Variants in PRRC2B observed in about 807,000 individuals in gnomAD.
PRRC2B encodes proline rich coiled-coil 2B, also known as protein PRRC2B.
PRRC2B carries 68 observed loss-of-function variants against 242.3 expected under a neutral mutation model. That is an observed-to-expected ratio of 0.28 (90% CI 0.23 to 0.34). The LOEUF (loss-of-function observed/expected upper bound fraction) is 0.34. Among genes scored for constraint, PRRC2B ranks in the 10% least tolerant of loss-of-function variants. The pLI, the probability that PRRC2B is intolerant of heterozygous loss-of-function variation, is 1.00. For missense variants in PRRC2B, 2,835 were observed against 2,954.8 expected (o/e 0.96, Z 0.94); for synonymous variants, 1,228 against 1,173.6 (o/e 1.05, Z -0.95).
chr9:131,404,013 T>C (rs1483391568), intron 1 of PRRC2B, among the ~76,000 whole-genome samples: 1 of 152,128 alleles, frequency 6.6e-6, no homozygotes, highest in Admixed American at 6.6e-5. Context: ...ACTCCTGGCC[T>C]CAAGCTGTCT....
rs199736233 is a variant in PRRC2B at position 131,481,777 on chromosome 9, C to T, written c.4952C>T (p.Ala1651Val). Residue 1651 changes from alanine (A) to valine (V), a missense_variant, in exon 20 of 32, where the codon GCC becomes GTC. By Grantham distance (64) the Ala-to-Val change is moderately conservative. Coordinates refer to ENST00000683519, the MANE Select transcript of PRRC2B (RefSeq NM_013318.4). ...GACTCCTGGAGGAAAGCTGTCACTG[C>T]CTTCAGCAGCACCGAGACTGGCTCT... ...ANDSWRKAVT[A>V]FSSTETGSAE... 4.0e-3 allele frequency: 6,267 copies of T among 1,564,286 alleles called. 24 individuals carry two copies. The highest frequency in any genetic ancestry group is 0.012 in the Middle Eastern group (70 of 6,012).
intron 29 of PRRC2B, 94 bp downstream of exon 29, chr9:131,491,674 G>A: frequency 8.1e-7 from 1 of 1,241,760 alleles, no homozygotes; most frequent in Non-Finnish European, 1.1e-6. Flanking sequence ...GGTAGAAAGA[G>A]CCAGTGGCGT....
chr9:131,464,992 C>A lies in PRRC2B; in HGVS notation c.1634C>A (p.Ala545Asp). Residue 545 changes from alanine to aspartate, a missense_variant, in exon 12 of 32, where the codon GCC (alanine) becomes GAC (aspartate). Physicochemically the swap from Ala to Asp is moderately radical, Grantham distance 126. Around this residue, in one of 7 missense-constraint regions of PRRC2B, gnomAD observed 1,536 missense variants for 1,483.1 expected, o/e 1.04. Coordinates refer to ENST00000683519, the MANE Select transcript of PRRC2B (RefSeq NM_013318.4). ...AAGCAGGCACGAAAGGCAGGTGAGGCCCGGAAGCAGGCAGAGAAGGAAGTG... is the reference window on the plus strand; with the variant it reads ...AAGCAGGCACGAAAGGCAGGTGAGGACCGGAAGCAGGCAGAGAAGGAAGTG... ...KCKQARKAGE[A>D]RKQAEKEVPW... 1 of 1,613,956 alleles carries A rather than the reference C, an allele frequency of 6.2e-7. No homozygotes were observed. Among genetic ancestry groups the A allele is most frequent in the East Asian group, 2.2e-5 (1 of 44,874 alleles).
intron 2 of PRRC2B, 144 bp from the exon 3 acceptor site, chr9:131,432,472 TC>T (rs1157788797): frequency 7.2e-6 from 5 of 692,838 alleles, no homozygotes; most frequent in Non-Finnish European, 1.2e-5. Context: ...CACTTGTTTG[TC>T]CCACTGCTGG....
At chr9:131,476,931 T>C (rs573065024) in intron 16 of PRRC2B, among the ~76,000 whole-genome samples, 1 of 152,322 alleles carries the variant, frequency 6.6e-6, no homozygotes, top group Admixed American at 6.5e-5. Context: ...GGGGCATCGC[T>C]GGCCTCGTGG....
Position 131,399,276 on chromosome 9 carries a change from C to CAAA in PRRC2B, c.-52+5032_-52+5034dup, listed in dbSNP as rs72492020. Reference sequence around the variant, plus strand: ...TGGGAGACAGAGTGAAATTCTGTCTCAAAAAAAAAAAAAAAAAAAAAGTCT... The same window carrying CAAA: ...TGGGAGACAGAGTGAAATTCTGTCTCAAAAAAAAAAAAAAAAAAAAAAAAGTCT... On this transcript the variant is annotated intron_variant, in intron 1 of 31. Transcript: ENST00000683519. 2.4e-3 allele frequency among the ~76,000 whole-genome samples: 108 copies of CAAA among 44,196 alleles called. 2 individuals are homozygous for CAAA. The highest frequency in any genetic ancestry group is 4.4e-3 in the African/African-American group (53 of 11,912). 29.0% of individuals were successfully genotyped at this position (44,196 alleles called of 152,430 possible).
chr9:131,380,976 C>T (rs1301253645), intron 1 of PRRC2B, among the ~76,000 whole-genome samples: 4 of 151,802 alleles, frequency 2.6e-5, no homozygotes, highest in African/African-American at 4.8e-5. Flanking sequence ...CTCTGTGGGT[C>T]GTTGTCTCAC....
At chr9:131,449,000 T>G (rs1838923836) in intron 9 of PRRC2B, among the ~76,000 whole-genome samples, 2 of 152,194 alleles carry the variant, frequency 1.3e-5, no homozygotes, top group Non-Finnish European at 2.9e-5. Context: ...TCTGATTCAC[T>G]TTACCCTAGA....
Position 131,494,151 on chromosome 9 carries a change from T to C in PRRC2B, c.6474-254T>C, listed in dbSNP as rs564967019. Among the ~76,000 whole-genome samples the C allele has an allele frequency of 1.3e-5, 2 of 152,202 alleles. No individual in the cohort carries two copies. The highest frequency in any genetic ancestry group is 3.9e-4 in the East Asian group (2 of 5,156). On this transcript the variant is annotated intron_variant, in intron 30 of 31. Coordinates refer to ENST00000683519, the MANE Select transcript of PRRC2B (RefSeq NM_013318.4). This position sits in a 1 kb window ranked among gnomAD's most constrained non-coding sequence, Gnocchi z 4.3. The stretch of plus-strand genomic sequence containing the variant: ...TGTACAGGGCCTCAGCCTCCCTCTC[T>C]TGCGGTGCGTCTCCTTGAGCTCTGT...
intron 1 of PRRC2B, among the ~76,000 whole-genome samples, chr9:131,387,344 G>C (rs555798034): frequency 1.3e-5 from 2 of 150,240 alleles, no homozygotes; most frequent in South Asian, 2.1e-4. Flanking sequence ...TTTATGTTCC[G>C]TGGCAGCTGA....
At chr9:131,450,925 T>C (rs1390308048) in intron 9 of PRRC2B, among the ~76,000 whole-genome samples, 2 of 152,174 alleles carry the variant, frequency 1.3e-5, no homozygotes, top group Non-Finnish European at 2.9e-5. Flanking sequence ...ACCTGGTGTA[T>C]CTCTTTATTA....
chr9:131,494,159 C>T lies in PRRC2B; in HGVS notation c.6474-246C>T, dbSNP rs532193052. ...GCCTCAGCCTCCCTCTCTTGCGGTG[C>T]GTCTCCTTGAGCTCTGTCCTGGAGG... On this transcript the variant is annotated intron_variant, in intron 30 of 31. Transcript: ENST00000683519. This position sits in a 1 kb window ranked among gnomAD's most constrained non-coding sequence, Gnocchi z 4.3. 6.6e-6 allele frequency among the ~76,000 whole-genome samples: 1 copy of T among 152,244 alleles called. No individual in the cohort carries two copies. The highest frequency in any genetic ancestry group is 2.4e-5 in the African/African-American group (1 of 41,546).
At chr9:131,418,855 T>C (rs1386734243) in intron 1 of PRRC2B, among the ~76,000 whole-genome samples, 2 of 152,184 alleles carry the variant, frequency 1.3e-5, no homozygotes, top group African/African-American at 4.8e-5. Flanking sequence ...TCTTTTGAAA[T>C]GGGAAGTCAA....
At chr9:131,420,503 T>TC (rs1465337298) in intron 1 of PRRC2B, among the ~76,000 whole-genome samples, 16 of 93,862 alleles carry the variant, frequency 1.7e-4, no homozygotes, top group East Asian at 2.6e-4. Flanking sequence ...CTTTTTTTTT[T>TC]TTTTTTTGAG....
chr9:131,464,675 G>A (rs1943340751), intron 11 of PRRC2B, 88 bp from the exon 12 acceptor site: 2 of 1,231,996 alleles, frequency 1.6e-6, no homozygotes, highest in African/African-American at 1.5e-5. Context: ...TGAGGATCTT[G>A]GGAGGAGAAC....
intron 25 of PRRC2B, 123 bp from the exon 26 acceptor site, chr9:131,485,962 A>G: frequency 1.3e-6 from 1 of 742,256 alleles, no homozygotes; most frequent in Non-Finnish European, 2.4e-6. Context: ...GCCTCTGTAC[A>G]CACGCCCTCG....
chr9:131,447,789 G>C lies in PRRC2B; in HGVS notation c.1105G>C (p.Asp369His). The C allele has an allele frequency of 6.2e-7, 1 of 1,612,798 alleles. No individual in the cohort carries two copies. The highest frequency in any genetic ancestry group is 8.5e-7 in the Non-Finnish European group (1 of 1,179,162). ...KGLDDLDADA[D>H]DGWAGLHEEV... Reference sequence around the variant, plus strand: ...CCTTGACGATCTGGACGCCGATGCCGATGATGGCTGGGCAGGTGGGCAGAG... The same window carrying C: ...CCTTGACGATCTGGACGCCGATGCCCATGATGGCTGGGCAGGTGGGCAGAG... The change falls in exon 9 of 32, where the codon GAT becomes CAT. Residue 369 changes from aspartate (D) to histidine (H), a missense_variant. Physicochemically the swap from Asp to His is moderately conservative, Grantham distance 81 (BLOSUM62 -1). This residue lies in a region of PRRC2B where 626 missense variants were observed against 685.5 expected (regional missense o/e 0.91). Transcript: ENST00000683519.
intron 9 of PRRC2B, among the ~76,000 whole-genome samples, chr9:131,448,543 C>CAGAAAAAAAAAAAAAAA (rs1838884232): frequency 2.5e-5 from 1 of 39,874 alleles, no homozygotes; most frequent in Non-Finnish European, 5.3e-5. Flanking sequence ...GACACTGTCT[C>CAGAAAAAAAAAAAAAAA]AAAAAAAAAA....
At chr9:131,398,977 C>A (rs1564273308) in intron 1 of PRRC2B, among the ~76,000 whole-genome samples, 3 of 149,930 alleles carry the variant, frequency 2.0e-5, no homozygotes, top group Non-Finnish European at 4.4e-5. Context: ...GACCCTGTCT[C>A]AAAAGAATAA....
Sources: gnomAD v4.1 joint callset for allele counts (sites outside exome capture counted in the v4.1 genomes callset) on GRCh38, gnomAD v4.1.1 for gene constraint, gnomAD v4.1.1 regional missense constraint, Gnocchi (gnomAD v3.1) non-coding constraint, MANE v1.5 for transcripts, NCBI Gene and HGNC (gene_info 2026-07-23, HGNC 2026-07-21) for gene names.